DAB1: variants seen among roughly 807,000 people sequenced by gnomAD.
DAB1 encodes DAB adaptor protein 1, also known as disabled homolog 1.
Under a neutral mutation model 64.6 loss-of-function variants are expected in DAB1, and 15 were observed. That is an observed-to-expected ratio of 0.23 (90% CI 0.16 to 0.36). The LOEUF is 0.36. Ranked by LOEUF, DAB1 falls within the 10% of genes least tolerant of loss-of-function variation. The pLI is 1.00. For missense variants in DAB1, 596 were observed against 706.7 expected (o/e 0.84, Z 1.78); for synonymous variants, 235 against 251.9 (o/e 0.93, Z 0.64).
intron 2 of DAB1, among the ~76,000 whole-genome samples, chr1:57,261,378 T>A (rs1670170946): frequency 6.6e-6 from 1 of 152,116 alleles, no homozygotes; most frequent in South Asian, 2.1e-4. Flanking sequence ...GGGCAATTTC[T>A]CCCTCGCCCC....
rs113579945 is a variant in DAB1, at chr1:57,654,714, G to A, written n.552-5049C>T. Among the ~76,000 whole-genome samples the A allele has an allele frequency of 5.9e-3, 860 of 146,860 alleles. 10 individuals carry two copies. Among genetic ancestry groups the A allele is most frequent in the African/African-American group, 0.02 (784 of 39,602 alleles). On this transcript the variant is annotated intron_variant and non_coding_transcript_variant, in intron 6 of 20. Transcript: ENST00000485760. ...TTTTGCTCTTTTTAAATAACTAACT[G>A]TTTCATTTATTTTCTCTGTTGCTTT...
rs182182427 is a variant in DAB1, at chr1:57,985,121, T to C, written n.388-100959A>G. ...TGGGGTTTCACCAGTTTGACCAGGCTGATCTCAAACTCCTGACCTCAAGTA... is the reference window on the plus strand; with the variant it reads ...TGGGGTTTCACCAGTTTGACCAGGCCGATCTCAAACTCCTGACCTCAAGTA... On this transcript the variant is annotated intron_variant and non_coding_transcript_variant, in intron 5 of 20. Transcript: ENST00000485760. Among the ~76,000 whole-genome samples, 44 of 152,286 alleles carry C rather than the reference T, an allele frequency of 2.9e-4. No individual in the cohort carries two copies. In the Middle Eastern group the frequency reaches 0.01, roughly 35 times the overall value.
intron 1 of DAB1, among the ~76,000 whole-genome samples, chr1:58,530,094 G>A (rs1210546912): frequency 2.6e-5 from 4 of 152,194 alleles, no homozygotes; most frequent in East Asian, 3.9e-4. Context: ...CGTTAGCCAG[G>A]ATGGTCTCAA....
chr1:57,761,000 A>G (rs1169965597), intron 6 of DAB1, among the ~76,000 whole-genome samples: 1 of 152,228 alleles, frequency 6.6e-6, no homozygotes, highest in Non-Finnish European at 1.5e-5. Flanking sequence ...AAGGAGGGAT[A>G]TAGAACCATG....
At chr1:58,523,398 C>G (rs556096310) in intron 2 of DAB1, among the ~76,000 whole-genome samples, 57 of 152,282 alleles carry the variant, frequency 3.7e-4, no homozygotes, top group Non-Finnish European at 8.1e-4. Context: ...TACAGACTTT[C>G]ATAATGTTCT....
chr1:58,324,502 C>T (rs2100489018), intron 4 of DAB1, among the ~76,000 whole-genome samples: 1 of 152,276 alleles, frequency 6.6e-6, no homozygotes, highest in East Asian at 1.9e-4. Context: ...ACATGGCACT[C>T]AGCAATTGGA....
chr1:57,424,709 C>T (rs1685201561), upstream of DAB1, among the ~76,000 whole-genome samples: 1 of 152,206 alleles, frequency 6.6e-6, no homozygotes, highest in Non-Finnish European at 1.5e-5. Context: ...GGAGGGGGCG[C>T]TCGCTCCCAG....
chr1:57,284,000 A>T (rs1429893047), intron 2 of DAB1, among the ~76,000 whole-genome samples: 1 of 152,236 alleles, frequency 6.6e-6, no homozygotes, highest in Non-Finnish European at 1.5e-5. Flanking sequence ...TAATGTATAC[A>T]GACTTTCAGA....
At chr1:57,606,025 A>C in intron 7 of DAB1, 1 of 650,524 alleles carries the variant, frequency 1.5e-6, no homozygotes, top group Admixed American at 1.9e-5. Flanking sequence ...AGTGATTCTC[A>C]GAATCTTGGT....
At chr1:57,948,743 G>T (rs547399413) in intron 5 of DAB1, among the ~76,000 whole-genome samples, 36 of 152,182 alleles carry the variant, frequency 2.4e-4, no homozygotes, top group Admixed American at 1.1e-3. Flanking sequence ...TACTTGACTG[G>T]GTATTAGAAC....
intron 7 of DAB1, among the ~76,000 whole-genome samples, chr1:57,518,006 C>T (rs1411634749): frequency 6.6e-6 from 1 of 152,198 alleles, no homozygotes; most frequent in African/African-American, 2.4e-5. Context: ...CTCATTACCT[C>T]TTAAGGGTGT....
intron 5 of DAB1, among the ~76,000 whole-genome samples, chr1:58,093,427 CGCCTG>C (rs1459141082): frequency 2.0e-5 from 3 of 152,158 alleles, no homozygotes; most frequent in Admixed American, 2.0e-4. Context: ...TGAGCCTTAC[CGCCTG>C]ATCTGTGCCT....
chr1:57,596,776 A>C lies in DAB1; in HGVS notation n.625+52816T>G, dbSNP rs145645826. Among the ~76,000 whole-genome samples, 10 of 152,368 alleles carry C rather than the reference A, an allele frequency of 6.6e-5. No individual in the cohort carries two copies. The East Asian group carries it at 1.9e-3, about 29-fold the overall frequency. The stretch of plus-strand genomic sequence containing the variant: ...CTGAATCTACTCCTATTTATCTCTG[A>C]ATCTCCAGCACCAAACACAGCGCGT... On this transcript the variant is annotated intron_variant and non_coding_transcript_variant, in intron 7 of 20. Coordinates refer to the DAB1 transcript ENST00000485760.
In DAB1 at chr1:58,095,021, T is replaced by C. The variant is rs1392543352; in HGVS notation, n.387+55490A>G. On this transcript the variant is annotated intron_variant and non_coding_transcript_variant, in intron 5 of 20. Coordinates refer to the DAB1 transcript ENST00000485760. ...GGGACCTTACAGTCTCTATTGCAAC[T>C]GCCCAACTCTGTCAATGACACTTGA... is the stretch of plus-strand genomic sequence containing the variant. 2.6e-5 allele frequency among the ~76,000 whole-genome samples: 4 copies of C among 152,206 alleles called. 1 individual carries two copies. In the East Asian group the frequency reaches 7.7e-4, roughly 29 times the overall value.
At chr1:58,495,478 T>G (rs1015279258) in intron 3 of DAB1, among the ~76,000 whole-genome samples, 3 of 152,172 alleles carry the variant, frequency 2.0e-5, no homozygotes, top group Non-Finnish European at 4.4e-5. Context: ...TTAAATTTTA[T>G]TTTTCATATT....
At chr1:57,257,140 G>A (rs554283506) in intron 2 of DAB1, among the ~76,000 whole-genome samples, 1 of 152,230 alleles carries the variant, frequency 6.6e-6, no homozygotes, top group South Asian at 2.1e-4. Flanking sequence ...AACCCCTCTT[G>A]GCCATGGTCT....
At chr1:58,080,011 G>T (rs1649898694) in intron 5 of DAB1, 1 of 152,300 alleles carries the variant, frequency 6.6e-6, no homozygotes, top group East Asian at 1.9e-4. Flanking sequence ...TGTTTTTCAG[G>T]TCCTGGAAAG....
intron 4 of DAB1, among the ~76,000 whole-genome samples, chr1:57,128,841 A>G (rs944008848): frequency 1.3e-5 from 2 of 152,190 alleles, no homozygotes; most frequent in East Asian, 3.9e-4. Flanking sequence ...CTTGCTTGCA[A>G]GAGGCCCTCA....
chr1:57,086,142 G>A (rs936583778), intron 4 of DAB1, among the ~76,000 whole-genome samples: 1 of 152,120 alleles, frequency 6.6e-6, no homozygotes, highest in Admixed American at 6.5e-5. Flanking sequence ...AACTGGAGTG[G>A]TTGAAATTGT....
Sources: gnomAD v4.1 joint callset for allele counts (sites outside exome capture counted in the v4.1 genomes callset) on GRCh38, gnomAD v4.1.1 for gene constraint, MANE v1.5 for transcripts, NCBI Gene and HGNC (gene_info 2026-07-23, HGNC 2026-07-21) for gene names.